SOCS4: variants seen among roughly 807,000 people sequenced by gnomAD.
The protein encoded by SOCS4 is suppressor of cytokine signaling 4, also known as SH2 domain containing SOCS box protein.
In SOCS4, 20 loss-of-function variants were observed where a neutral mutation model predicts 34.1. The ratio of observed to expected loss-of-function variants is 0.59; its 90% CI spans 0.41 to 0.85. SOCS4 has a LOEUF of 0.85. Among genes scored for constraint, SOCS4 ranks in the 40% least tolerant of loss-of-function variants. SOCS4 has a pLI of 0.00. For synonymous variants in SOCS4, 180 were observed against 186.4 expected (o/e 0.97, Z 0.28); for missense variants, 479 against 532.4 (o/e 0.90, Z 0.99).
intron 1 of SOCS4, among the ~76,000 whole-genome samples, chr14:55,030,293 T>G (rs947078021): frequency 4.6e-5 from 7 of 152,198 alleles, no homozygotes; most frequent in Admixed American, 4.6e-4. Flanking sequence ...ATAAAATCTT[T>G]GCCTGTTTCT....
rs753998744 is a variant in SOCS4 at position 55,044,150 on chromosome 14, G to C, written c.1109G>C (p.Cys370Ser). 1 of 1,614,048 alleles carries C rather than the reference G, an allele frequency of 6.2e-7. No homozygotes were observed. The stretch of plus-strand genomic sequence containing the variant: ...GAACATTATAAGGACCCAAGCGCCT[G>C]TATGTTCTTTGAACCACTTCTATCC... ...LLEHYKDPSA[C>S]MFFEPLLSTP... Residue 370 changes from cysteine to serine, a missense_variant, in exon 3 of 3, where the codon TGT becomes TCT. By Grantham distance (112) the Cys-to-Ser change is moderately radical. Transcript: ENST00000555846.
At chr14:55,034,739 G>A (rs1451534883) in intron 2 of SOCS4, among the ~76,000 whole-genome samples, 2 of 151,806 alleles carry the variant, frequency 1.3e-5, no homozygotes. Flanking sequence ...GGGAGGCTGA[G>A]GCAGGAGAAT....
chr14:55,027,883 CA>C (rs1473293583), intron 1 of SOCS4: 5 of 152,146 alleles, frequency 3.3e-5, no homozygotes, highest in African/African-American at 1.2e-4. Context: ...TATTTATAAC[CA>C]AAAGAAGAGT....
At chr14:55,030,896 A>C (rs943376275) in intron 1 of SOCS4, among the ~76,000 whole-genome samples, 1 of 152,124 alleles carries the variant, frequency 6.6e-6, no homozygotes, top group Admixed American at 6.5e-5. Flanking sequence ...TTTTTTACAG[A>C]TCTTTAAAAC....
At chr14:55,037,835 A>G (rs1447191728) in intron 2 of SOCS4, among the ~76,000 whole-genome samples, 3 of 152,144 alleles carry the variant, frequency 2.0e-5, no homozygotes, top group Non-Finnish European at 4.4e-5. Context: ...CATAGTTGTA[A>G]TATCTTTTCT....
Position 55,044,418 on chromosome 14 carries a change from AT to A in SOCS4, c.*59del. ...TATATATTTTTTCTTTTAATATTTT[AT>A]TTTTCTTTTTATGCCACTTTGGATT... On this transcript the variant is annotated 3_prime_UTR_variant, in exon 3 of 3. Coordinates refer to ENST00000555846, the MANE Select transcript of SOCS4 (RefSeq NM_199421.2). The A allele has an allele frequency of 8.0e-7, 1 of 1,249,736 alleles. No homozygotes were observed. The highest frequency in any genetic ancestry group is 1.0e-6 in the Non-Finnish European group (1 of 975,586). 77.4% of individuals were successfully genotyped at this position (1,249,736 alleles called of 1,614,324 possible). A position where few individuals can be genotyped will look rare whatever the true frequency, so the allele number is the denominator to read the frequency against.
At chr14:55,036,663 A>G (rs2042574912) in intron 2 of SOCS4, among the ~76,000 whole-genome samples, 1 of 151,932 alleles carries the variant, frequency 6.6e-6, no homozygotes, top group Non-Finnish European at 1.5e-5. Context: ...AAATTTTCTA[A>G]TATAGTTTCT....
chr14:55,042,204 A>T (rs115100157), intron 2 of SOCS4, among the ~76,000 whole-genome samples: 88 of 152,314 alleles, frequency 5.8e-4, no homozygotes, highest in African/African-American at 2.0e-3. Context: ...ATGTTTTACC[A>T]ACTTCAGAGG....
rs2140250516 is a variant in SOCS4 at position 55,044,542 on chromosome 14, C to T, written c.*178C>T. 2.8e-6 allele frequency: 1 copy of T among 361,516 alleles called. No homozygotes were observed. The highest frequency in any genetic ancestry group is 4.9e-6 in the Non-Finnish European group (1 of 203,786). The allele number at this position is 361,516 out of a possible 1,614,324, so 22.4% of individuals were successfully genotyped here. On this transcript the variant is annotated 3_prime_UTR_variant, in exon 3 of 3. Coordinates refer to ENST00000555846, the MANE Select transcript of SOCS4 (RefSeq NM_199421.2). The stretch of plus-strand genomic sequence containing the variant: ...GATACACAAATTGTTTAAGGTTATA[C>T]ACTCGAGCTTAAATAGATATTTTTA...
Position 55,042,971 on chromosome 14 carries a change from A to T in SOCS4, c.-71A>T. On this transcript the variant is annotated 5_prime_UTR_variant, in exon 3 of 3. An upstream open reading frame in the 5' UTR gains an earlier in-frame stop. Transcript: ENST00000555846. ...CTTTAGATACATCCAGAAAGTGCCCAGAAGAAACTTCCTGCTGGAAAAAAT... is the reference window on the plus strand; with the variant it reads ...CTTTAGATACATCCAGAAAGTGCCCTGAAGAAACTTCCTGCTGGAAAAAAT... 1.4e-6 allele frequency: 2 copies of T among 1,420,284 alleles called. No homozygotes were observed. Among genetic ancestry groups the T allele is most frequent in the Admixed American group, 2.2e-5 (1 of 44,608 alleles). 88.0% of individuals were successfully genotyped at this position (1,420,284 alleles called of 1,614,324 possible). A position where few individuals can be genotyped will look rare whatever the true frequency, so the allele number is the denominator to read the frequency against.
chr14:55,043,527 A>G lies in SOCS4; in HGVS notation c.486A>G (p.Val162=), dbSNP rs772134286. 6.2e-7 allele frequency: 1 copy of G among 1,614,212 alleles called. No individual in the cohort carries two copies. ...TAAATTCCAAATCAGATGAATGGGT[A>G]AGCACAGACTTGTCTCAGACTGAAT... ...APINSKSDEW[V]STDLSQTELR... Residue 162 remains valine, a synonymous_variant, in exon 3 of 3, where the codon GTA becomes GTG. Coordinates refer to ENST00000555846, the MANE Select transcript of SOCS4 (RefSeq NM_199421.2).
chr14:55,037,173 C>G (rs2042579761), intron 2 of SOCS4, among the ~76,000 whole-genome samples: 1 of 149,168 alleles, frequency 6.7e-6, no homozygotes, highest in Non-Finnish European at 1.5e-5. Flanking sequence ...GAGACAGAGT[C>G]TCACTCTGTC....
At chr14:55,028,332 A>G (rs1181455661) in intron 1 of SOCS4, among the ~76,000 whole-genome samples, 2 of 152,198 alleles carry the variant, frequency 1.3e-5, no homozygotes, top group Admixed American at 6.5e-5. Flanking sequence ...CTTAAAAACA[A>G]CTTGGGATTT....
In SOCS4 at chr14:55,039,183, T is replaced by C. The variant is rs548427369; in HGVS notation, c.-90-3769T>C. ...CTCATTGAGAAATTTAGGGCTGGGCTCAGTGGCTCATGCTTGTAATCCCAG... is the reference window on the plus strand; with the variant it reads ...CTCATTGAGAAATTTAGGGCTGGGCCCAGTGGCTCATGCTTGTAATCCCAG... On this transcript the variant is annotated intron_variant, in intron 2 of 2. Coordinates refer to ENST00000555846, the MANE Select transcript of SOCS4 (RefSeq NM_199421.2). 2.0e-4 allele frequency among the ~76,000 whole-genome samples: 31 copies of C among 152,308 alleles called. No individual in the cohort carries two copies. In the South Asian group the frequency reaches 6.4e-3, roughly 32 times the overall value.
chr14:55,047,597 T>C lies in SOCS4; in HGVS notation c.*3233T>C, dbSNP rs2042688163. 6.0e-6 allele frequency: 1 copy of C among 167,114 alleles called. No homozygotes were observed. The highest frequency in any genetic ancestry group is 1.9e-4 in the East Asian group (1 of 5,202). The allele number at this position is 167,114 out of a possible 1,614,324, so 10.4% of individuals were successfully genotyped here. ...ATTGATTTGGTGATCAAACCTGTGCTATTTCCTGAATTTCAGCTAATGGCC... is the reference window on the plus strand; with the variant it reads ...ATTGATTTGGTGATCAAACCTGTGCCATTTCCTGAATTTCAGCTAATGGCC... On this transcript the variant is annotated 3_prime_UTR_variant, in exon 3 of 3. Transcript: ENST00000555846.
intron 2 of SOCS4, among the ~76,000 whole-genome samples, chr14:55,034,721 A>G (rs1413262216): frequency 6.6e-6 from 1 of 151,942 alleles, no homozygotes; most frequent in East Asian, 1.9e-4. Flanking sequence ...CTGTAATCCC[A>G]GCTACTTGGG....
chr14:55,046,602 C>T lies in SOCS4; in HGVS notation c.*2238C>T, dbSNP rs145521728. On this transcript the variant is annotated 3_prime_UTR_variant, in exon 3 of 3. Transcript: ENST00000555846. ...ATTGCTTGTGATATGTTTTCTCTGG[C>T]TTTTTTATTTTTTCAACTTCAAGGT... 146 of 166,894 alleles carry T rather than the reference C, an allele frequency of 8.7e-4. No individual in the cohort carries two copies. Among genetic ancestry groups the T allele is most frequent in the African/African-American group, 3.1e-3 (130 of 41,502 alleles). 10.3% of individuals were successfully genotyped at this position (166,894 alleles called of 1,614,324 possible). A position where few individuals can be genotyped will look rare whatever the true frequency, so the allele number is the denominator to read the frequency against.
intron 1 of SOCS4, among the ~76,000 whole-genome samples, chr14:55,029,537 A>G (rs2042509606): frequency 6.6e-6 from 1 of 152,210 alleles, no homozygotes; most frequent in African/African-American, 2.4e-5. Context: ...CCATTCTACC[A>G]ATGATGGTAT....
Position 55,044,259 on chromosome 14 carries a change from C to T in SOCS4, c.1218C>T (p.Ile406=), listed in dbSNP as rs779865265. ...VICNCTTYDG[I]DALPIPSSMK... is the part of the protein sequence containing the mutation. ...GTAACTGTACAACTTATGATGGCAT[C>T]GATGCCCTTCCAATTCCTTCTTCTA... Residue 406 remains isoleucine (I), a synonymous_variant, in exon 3 of 3, where the codon ATC becomes ATT. Coordinates refer to ENST00000555846, the MANE Select transcript of SOCS4 (RefSeq NM_199421.2). 1.5e-5 allele frequency: 25 copies of T among 1,613,892 alleles called. No homozygotes were observed. The highest frequency in any genetic ancestry group is 4.0e-5 in the African/African-American group (3 of 74,892).
Sources: gnomAD v4.1 joint callset for allele counts (sites outside exome capture counted in the v4.1 genomes callset) on GRCh38, gnomAD v4.1.1 for gene constraint, MANE v1.5 for transcripts, NCBI Gene and HGNC (gene_info 2026-07-23, HGNC 2026-07-21) for gene names.